MEGF10: variants seen among roughly 807,000 people sequenced by gnomAD.
MEGF10 encodes multiple EGF like domains 10, also known as multiple epidermal growth factor-like domains protein 10.
A neutral mutation model predicts 147.5 loss-of-function variants in MEGF10; 86 were observed. The ratio of observed to expected loss-of-function variants is 0.58; its 90% confidence interval spans 0.49 to 0.70. The LOEUF is 0.70. Ranked by LOEUF, MEGF10 falls within the 30% of genes least tolerant of loss-of-function variation. The pLI is 0.00. For synonymous variants in MEGF10, 478 were observed against 525.5 expected (o/e 0.91, Z 1.24); for missense variants, 1,329 against 1,487.3 (o/e 0.89, Z 1.75).
chr5:127,317,000 T>C (rs1760576569), intron 1 of MEGF10, among the ~76,000 whole-genome samples: 2 of 152,122 alleles, frequency 1.3e-5, no homozygotes, highest in Non-Finnish European at 2.9e-5. Flanking sequence ...GACAGAGGAG[T>C]GAAAACCTCT....
At chr5:127,416,435 A>G (rs531790392) in intron 9 of MEGF10, among the ~76,000 whole-genome samples, 1 of 152,236 alleles carries the variant, frequency 6.6e-6, no homozygotes, top group South Asian at 2.1e-4. Context: ...AGCAGACTTG[A>G]GTAGTTCTAA....
At chr5:127,234,746 A>G in the MEGF10 span, among the ~76,000 whole-genome samples, 6 of 152,072 alleles carry the variant, frequency 3.9e-5, no homozygotes, top group African/African-American at 1.4e-4. Context: ...AGTGTCTTTT[A>G]GTGCTTTCTT....
chr5:127,268,097 C>T, the MEGF10 span, among the ~76,000 whole-genome samples: 3 of 152,172 alleles, frequency 2.0e-5, no homozygotes, highest in African/African-American at 7.2e-5. Context: ...TTAAATGTGT[C>T]CCAGAGATTC....
chr5:127,339,253 G>T, intron 3 of MEGF10, 32 bp downstream of exon 3: 1 of 1,450,104 alleles, frequency 6.9e-7, no homozygotes. Context: ...TTGTGAGTTT[G>T]GCTAACTGGG....
In MEGF10 at chr5:127,435,490, G is replaced by T; in HGVS notation, c.2104+1G>T. On this transcript the variant is annotated splice_donor_variant, in intron 16 of 24. Coordinates refer to ENST00000503335, the MANE Select transcript of MEGF10 (RefSeq NM_001256545.2). LOFTEE classifies it high-confidence loss of function. ...TGGATTGGCAGTGACTGCTCTCAAC[G>T]TAAGTCTTGTTTGAGAACAATTAAT... 2 of 1,611,900 alleles carry T rather than the reference G, an allele frequency of 1.2e-6. No individual in the cohort carries two copies. The highest frequency in any genetic ancestry group is 1.7e-6 in the Non-Finnish European group (2 of 1,179,150).
At chr5:127,414,722 C>T (rs1221995775) in intron 9 of MEGF10, among the ~76,000 whole-genome samples, 1 of 152,180 alleles carries the variant, frequency 6.6e-6, no homozygotes, top group African/African-American at 2.4e-5. Flanking sequence ...TTCACTTATT[C>T]ATTCAATCTG....
At chr5:127,392,847 T>A (rs1315168220) in intron 5 of MEGF10, among the ~76,000 whole-genome samples, 1 of 152,186 alleles carries the variant, frequency 6.6e-6, no homozygotes, top group Non-Finnish European at 1.5e-5. Flanking sequence ...TTCCAACTTA[T>A]TATGAGAGCT....
chr5:127,327,117 G>A (rs558002888), intron 1 of MEGF10, among the ~76,000 whole-genome samples: 2 of 152,190 alleles, frequency 1.3e-5, no homozygotes, highest in Non-Finnish European at 1.5e-5. Context: ...AAGTGGAGCT[G>A]CAAAACACAG....
chr5:127,406,179 A>G (rs1385441775), intron 8 of MEGF10, among the ~76,000 whole-genome samples: 1 of 152,236 alleles, frequency 6.6e-6, no homozygotes, highest in Non-Finnish European at 1.5e-5. Context: ...CACAAGAACA[A>G]TAAACATACA....
chr5:127,288,650 GT>G (rs1759106859), upstream of MEGF10, among the ~76,000 whole-genome samples: 1 of 152,110 alleles, frequency 6.6e-6, no homozygotes, highest in Non-Finnish European at 1.5e-5. Flanking sequence ...AATGTAAAAT[GT>G]TTTCCACTTT....
intron 4 of MEGF10, among the ~76,000 whole-genome samples, chr5:127,362,205 A>T (rs910811281): frequency 1.3e-5 from 2 of 152,006 alleles, no homozygotes; most frequent in East Asian, 1.9e-4. Context: ...TTATTTCATT[A>T]TAATGAATTG....
At chr5:127,265,173 T>G in the MEGF10 span, among the ~76,000 whole-genome samples, 1 of 152,268 alleles carries the variant, frequency 6.6e-6, no homozygotes, top group Non-Finnish European at 1.5e-5. Flanking sequence ...CAGTGTTTGG[T>G]TTTTTGTTCT....
At chr5:127,337,077 C>A (rs1186497193) in intron 2 of MEGF10, among the ~76,000 whole-genome samples, 1 of 152,042 alleles carries the variant, frequency 6.6e-6, no homozygotes, top group East Asian at 1.9e-4. Context: ...TGAGGACGGC[C>A]ATACAGAAAA....
rs80058732 is a variant in MEGF10, at chr5:127,298,047, A to G, written c.-19+6991A>G. ...AATAACCTTCACTTCATAAAATGCC[A>G]CCAAATGTGTGGCTTGAGTGTTTAG... On this transcript the variant is annotated intron_variant, in intron 1 of 24. Transcript: ENST00000503335. 8.7e-3 allele frequency among the ~76,000 whole-genome samples: 1,328 copies of G among 152,304 alleles called. 23 individuals are homozygous for G. The highest frequency in any genetic ancestry group is 0.03 in the African/African-American group (1,231 of 41,554).
intron 1 of MEGF10, among the ~76,000 whole-genome samples, chr5:127,325,773 G>T (rs1443639489): frequency 2.0e-5 from 3 of 150,872 alleles, no homozygotes; most frequent in African/African-American, 7.3e-5. Context: ...GGATTTTTTT[G>T]TGGAGATGGG....
intron 4 of MEGF10, among the ~76,000 whole-genome samples, chr5:127,350,667 G>A (rs1264242336): frequency 2.0e-5 from 3 of 152,182 alleles, no homozygotes; most frequent in East Asian, 1.9e-4. Context: ...GGAAGGGAAA[G>A]ACCCCTGGGC....
chr5:127,420,801 A>C (rs1764968012), intron 12 of MEGF10, among the ~76,000 whole-genome samples: 1 of 152,218 alleles, frequency 6.6e-6, no homozygotes, highest in Non-Finnish European at 1.5e-5. Flanking sequence ...CAGGGAGTGC[A>C]AACGGGAAGT....
Position 127,438,534 on chromosome 5 carries a change from A to C in MEGF10, c.2200A>C (p.Thr734Pro), listed in dbSNP as rs576883538. Residue 734 changes from threonine (T) to proline (P), a missense_variant, in exon 17 of 25, where the codon ACT becomes CCT. Coordinates refer to ENST00000503335, the MANE Select transcript of MEGF10 (RefSeq NM_001256545.2). The stretch of plus-strand genomic sequence containing the variant: ...CGCCTACGATGGGGAATGTAAATGC[A>C]CTCCTGGCTGGACAGGGCTCTACTG... Reference protein sequence around the residue: ...CSAYDGECKCTPGWTGLYCTQ... With the variant: ...CSAYDGECKCPPGWTGLYCTQ... 6.2e-7 allele frequency: 1 copy of C among 1,613,848 alleles called. No individual in the cohort carries two copies. The highest frequency in any genetic ancestry group is 1.7e-5 in the Admixed American group (1 of 59,984).
chr5:127,316,671 G>C (rs1760558757), intron 1 of MEGF10, among the ~76,000 whole-genome samples: 2 of 152,084 alleles, frequency 1.3e-5, no homozygotes, highest in Non-Finnish European at 1.5e-5. Flanking sequence ...TGCATATTCT[G>C]AGCTTTATTT....
Sources: allele counts gnomAD v4.1 joint callset (sites outside exome capture counted in the v4.1 genomes callset), GRCh38; gene constraint gnomAD v4.1.1; transcripts MANE v1.5; gene names NCBI Gene and HGNC (gene_info 2026-07-23, HGNC 2026-07-21).